CHM: variants seen among roughly 807,000 people sequenced by gnomAD.
CHM encodes the protein CHM Rab escort protein, also known as rab proteins geranylgeranyltransferase component A 1.
In CHM, 10 loss-of-function variants were observed where a neutral mutation model predicts 49.0. The ratio of observed to expected loss-of-function variants is 0.20; its 90% CI spans 0.13 to 0.35. The LOEUF (loss-of-function observed/expected upper bound fraction) is 0.35, where lower values mean the gene tolerates loss of function less well. CHM is among the 10% of genes least tolerant of loss of function. The probability of loss-of-function intolerance (pLI) is 1.00; values close to 1 mark genes in which losing one functional copy is unlikely to be tolerated. For synonymous variants in CHM, 184 were observed against 167.5 expected, an observed-to-expected ratio of 1.10 and a Z score of -0.76; for missense variants, 455 against 478.4, an observed-to-expected ratio of 0.95 and a Z score of 0.46.
At chrX:85,934,385 C>T (rs1478691515) in intron 8 of CHM, among the ~76,000 whole-genome samples, 4 of 98,068 alleles carry the variant, frequency 4.1e-5, no homozygotes, top group Non-Finnish European at 8.1e-5. Context: ...ATCAACACAT[C>T]GTTTACATTA....
At chrX:85,953,971 C>T (rs985893376) in intron 8 of CHM, among the ~76,000 whole-genome samples, 1 of 111,340 alleles carries the variant, frequency 9.0e-6, no homozygotes, top group Non-Finnish European at 1.9e-5. Context: ...AAACCATAAA[C>T]AAAGTGAAAA....
chrX:85,973,300 CA>C (rs58103002), intron 4 of CHM, among the ~76,000 whole-genome samples: 46 of 16,287 alleles, frequency 2.8e-3, no homozygotes, highest in African/African-American at 5.2e-3. Flanking sequence ...TCTGTCTCGA[CA>C]AAAAAAAAAA....
chrX:85,894,409 G>C lies in CHM; in HGVS notation c.1414-125C>G, dbSNP rs1569506. ...AAACATCATGTCTGAAAAAAATATG[G>C]CTTGTAAGGATTTAATTTTGGAACA... On this transcript the variant is annotated intron_variant, in intron 11 of 14. Coordinates refer to ENST00000357749, the MANE Select transcript of CHM (RefSeq NM_000390.4). 0.29 allele frequency: 141,016 copies of C among 481,609 alleles called. 15,824 individuals are homozygous for C. The highest frequency in any genetic ancestry group is 0.45 in the Admixed American group (14,320 of 31,663). The allele number at this position is 481,609 out of a possible 1,213,427, so 39.7% of individuals were successfully genotyped here.
At chrX:86,047,111 C>A in intron 1 of CHM, 1 of 273,988 alleles carries the variant, frequency 3.6e-6, no homozygotes, top group Non-Finnish European at 6.7e-6. Context: ...GGAATATCAC[C>A]TTGAAATCAA....
At chrX:85,880,096 A>T (rs1380983506) in intron 12 of CHM, among the ~76,000 whole-genome samples, 1 of 111,067 alleles carries the variant, frequency 9.0e-6, no homozygotes, top group East Asian at 2.8e-4. Context: ...ATAACCATGG[A>T]ACTAAAATCA....
chrX:86,001,997 C>T (rs978886964), intron 2 of CHM, among the ~76,000 whole-genome samples: 3 of 111,089 alleles, frequency 2.7e-5, no homozygotes, highest in Non-Finnish European at 5.7e-5. Flanking sequence ...ACCTCTCTAC[C>T]GAATCTCCCA....
intron 8 of CHM, among the ~76,000 whole-genome samples, chrX:85,912,875 C>T (rs1366474461): frequency 4.6e-5 from 5 of 108,020 alleles, no homozygotes; most frequent in African/African-American, 1.4e-4. Context: ...TAGCCAGGTA[C>T]GGCGGTGCAT....
At position 85,906,383 on chromosome X, in the gene CHM, G is replaced by A. The variant is rs746134700; in HGVS notation, c.1244+4878C>T. On this transcript the variant is annotated intron_variant, in intron 9 of 14. Transcript: ENST00000357749. ...GTCTCCAATTATATTAATAGTTATT[G>A]TTAGCTAACATAGCTAGCACTTACA... 8.9e-5 allele frequency among the ~76,000 whole-genome samples: 10 copies of A among 112,052 alleles called. No homozygotes were observed. In the South Asian group the frequency reaches 1.1e-3, roughly 13 times the overall value.
At chrX:85,943,873 C>T (rs1262613445) in intron 8 of CHM, among the ~76,000 whole-genome samples, 1 of 110,800 alleles carries the variant, frequency 9.0e-6, no homozygotes, top group Non-Finnish European at 1.9e-5. Flanking sequence ...TAAAAGAGTT[C>T]TATCAACTTT....
intron 2 of CHM, among the ~76,000 whole-genome samples, chrX:86,003,202 G>A (rs781733152): frequency 3.6e-5 from 4 of 112,111 alleles, no homozygotes; most frequent in African/African-American, 1.3e-4. Context: ...CAAACAGAAA[G>A]GAATAGCACC....
At chrX:86,007,761 A>G (rs1015226053) in intron 2 of CHM, among the ~76,000 whole-genome samples, 3 of 112,161 alleles carry the variant, frequency 2.7e-5, no homozygotes, top group Admixed American at 9.4e-5. Flanking sequence ...GAAACAACAG[A>G]AGCTGGAGAG....
chrX:86,015,456 T>C (rs1476669004), intron 2 of CHM, among the ~76,000 whole-genome samples: 3 of 111,449 alleles, frequency 2.7e-5, no homozygotes. Flanking sequence ...AGTAAATTGG[T>C]ACCAGTAGAG....
At chrX:85,872,980 T>C in intron 14 of CHM, 72 bp downstream of exon 14, 1 of 1,056,272 alleles carries the variant, frequency 9.5e-7, no homozygotes. Flanking sequence ...ACTTCTCTCC[T>C]CCCAGAGGAA....
chrX:85,892,877 T>A (rs779183418), intron 12 of CHM, among the ~76,000 whole-genome samples: 1 of 111,632 alleles, frequency 9.0e-6, no homozygotes, highest in East Asian at 2.8e-4. Context: ...AGAACTCACA[T>A]AACAATCTGA....
intron 8 of CHM, among the ~76,000 whole-genome samples, chrX:85,930,109 TA>T (rs1031133233): frequency 3.6e-4 from 40 of 110,654 alleles, no homozygotes; most frequent in African/African-American, 1.2e-3. Context: ...AAATAGAAAA[TA>T]AAAAAAATAA....
At chrX:85,894,918 T>G (rs1242176198) in intron 11 of CHM, among the ~76,000 whole-genome samples, 2 of 111,685 alleles carry the variant, frequency 1.8e-5, no homozygotes, top group Non-Finnish European at 3.8e-5. Context: ...CCAATTATAT[T>G]GAAGCAAGCA....
rs1479171812 is a variant in CHM, at chrX:86,005,849, T to C, written c.116+21642A>G. On this transcript the variant is annotated intron_variant, in intron 2 of 14. Coordinates refer to ENST00000357749, the MANE Select transcript of CHM (RefSeq NM_000390.4). ...TACCAGAGGTACAAAGAGGAGCTGG[T>C]AGCAATCCTTCTGAAACTATTCCAA... Among the ~76,000 whole-genome samples the C allele has an allele frequency of 1.1e-4, 12 of 111,857 alleles. No homozygotes were observed. The East Asian group carries it at 1.1e-3, about 10-fold the overall frequency.
At chrX:86,006,614 CAAT>C (rs1209296850) in intron 2 of CHM, among the ~76,000 whole-genome samples, 2 of 111,053 alleles carry the variant, frequency 1.8e-5, no homozygotes, top group Non-Finnish European at 3.8e-5. Flanking sequence ...TCCTATACAC[CAAT>C]AACAGACAGA....
intron 8 of CHM, among the ~76,000 whole-genome samples, chrX:85,918,572 C>A (rs1430407625): frequency 1.8e-5 from 2 of 111,301 alleles, no homozygotes; most frequent in African/African-American, 6.5e-5. Flanking sequence ...TGAAAGTAAA[C>A]AAGATAAACG....
Sources: gnomAD v4.1 joint callset for allele counts (sites outside exome capture counted in the v4.1 genomes callset) on GRCh38, gnomAD v4.1.1 for gene constraint, MANE v1.5 for transcripts, NCBI Gene and HGNC (gene_info 2026-07-23, HGNC 2026-07-21) for gene names.